Variants in COPS2 observed in about 807,000 individuals in gnomAD.
COPS2 encodes the protein COP9 signalosome complex subunit 2.
COPS2 carries 10 observed loss-of-function variants against 66.1 expected under a neutral mutation model. The observed-to-expected ratio is 0.15, with a 90% confidence interval of 0.09 to 0.26. The LOEUF is 0.26. Ranked by LOEUF, COPS2 falls within the 10% of genes least tolerant of loss-of-function variation. COPS2 has a pLI of 1.00. For missense variants in COPS2, 215 were observed against 513.3 expected (o/e 0.42, Z 5.62); for synonymous variants, 179 against 171.3 (o/e 1.04, Z -0.35).
rs1243386092 is a variant in COPS2, at chr15:49,128,106, T to G, written c.1188-12A>C. ...GGCCATGAATAGTGCTAGAAAGAAATAAATAAGATGTGTCTACAAAAGACT... is the reference window on the plus strand; with the variant it reads ...GGCCATGAATAGTGCTAGAAAGAAAGAAATAAGATGTGTCTACAAAAGACT... On this transcript the variant is annotated splice_polypyrimidine_tract_variant and intron_variant, in intron 12 of 12. Transcript: ENST00000388901. The G allele has an allele frequency of 7.4e-6, 12 of 1,611,454 alleles. No individual in the cohort carries two copies. The highest frequency in any genetic ancestry group is 2.2e-5 in the South Asian group (2 of 90,630).
intron 9 of COPS2, among the ~76,000 whole-genome samples, chr15:49,132,918 C>G (rs1449239096): frequency 6.6e-6 from 1 of 151,810 alleles, no homozygotes; most frequent in African/African-American, 2.4e-5. Context: ...TTCAATAAAT[C>G]TTGGGTTTCT....
At chr15:49,128,627 A>C in intron 12 of COPS2, 75 bp downstream of exon 12, 1 of 1,048,552 alleles carries the variant, frequency 9.5e-7, no homozygotes, top group Non-Finnish European at 1.4e-6. Context: ...CAAGAATCCA[A>C]TTGTTACCTT....
Position 49,150,980 on chromosome 15 carries a change from C to T in COPS2, c.54+4545G>A, listed in dbSNP as rs563893440. Among the ~76,000 whole-genome samples the T allele has an allele frequency of 7.3e-4, 111 of 152,210 alleles. 1 individual carries two copies. The Middle Eastern group carries it at 0.014, about 19-fold the overall frequency. ...TACTAGTAAACATTTATCCCCTAAT[C>T]CCAACTATGAGCTTGACTAGGGGAA... On this transcript the variant is annotated intron_variant, in intron 1 of 12. Coordinates refer to ENST00000388901, the MANE Select transcript of COPS2 (RefSeq NM_004236.4).
chr15:49,136,810 A>C (rs1950846618), intron 6 of COPS2, among the ~76,000 whole-genome samples: 2 of 151,912 alleles, frequency 1.3e-5, no homozygotes, highest in Admixed American at 1.3e-4. Flanking sequence ...AACATGGCAA[A>C]ACCCCACCTC....
intron 11 of COPS2, 60 bp from the exon 12 acceptor site, chr15:49,128,820 A>G: frequency 9.2e-7 from 1 of 1,084,672 alleles, no homozygotes. Flanking sequence ...AATTTTACAC[A>G]ATCATTCTAA....
Position 49,123,389 on chromosome 15 carries a change from T to C in COPS2, c.*4561A>G, listed in dbSNP as rs2084139792. 6.6e-6 allele frequency: 1 copy of C among 152,182 alleles called. No individual in the cohort carries two copies. The highest frequency in any genetic ancestry group is 6.5e-5 in the Admixed American group (1 of 15,284). The allele number at this position is 152,182 out of a possible 1,614,324, so 9.4% of individuals were successfully genotyped here. The stretch of plus-strand genomic sequence containing the variant: ...GGACAGTCTTCCACATGAAACCTAG[T>C]CATAACACGCAAGTTACTGGTACAC... On this transcript the variant is annotated 3_prime_UTR_variant, in exon 13 of 13. Coordinates refer to ENST00000388901, the MANE Select transcript of COPS2 (RefSeq NM_004236.4).
chr15:49,144,811 G>A (rs182753560), intron 2 of COPS2, among the ~76,000 whole-genome samples, 154 bp downstream of exon 2: 52 of 152,194 alleles, frequency 3.4e-4, no homozygotes, highest in African/African-American at 1.1e-3. Flanking sequence ...CAGGATAACC[G>A]TTTTGAAACA....
intron 1 of COPS2, among the ~76,000 whole-genome samples, chr15:49,146,953 A>G (rs1390446626): frequency 3.3e-5 from 5 of 151,978 alleles, no homozygotes; most frequent in African/African-American, 1.2e-4. Flanking sequence ...CAAGTGCCAA[A>G]TTCTCCCACT....
chr15:49,129,877 A>G (rs2084196139), intron 10 of COPS2, among the ~76,000 whole-genome samples: 1 of 152,192 alleles, frequency 6.6e-6, no homozygotes, highest in Non-Finnish European at 1.5e-5. Context: ...GATTTATACC[A>G]GCCAGCCAAG....
rs565916077 is a variant in COPS2, at chr15:49,124,911, G to T, written c.*3039C>A. 4 of 152,238 alleles carry T rather than the reference G, an allele frequency of 2.6e-5. No homozygotes were observed. The highest frequency in any genetic ancestry group is 5.9e-5 in the Non-Finnish European group (4 of 67,990). The allele number at this position is 152,238 out of a possible 1,614,324, so 9.4% of individuals were successfully genotyped here. A position where few individuals can be genotyped will look rare whatever the true frequency, so the allele number is the denominator to read the frequency against. ...CTAGGCAAATAATTTTTTGTCTTAT[G>T]GACTAACTGCTTCACCCATAGATTT... On this transcript the variant is annotated 3_prime_UTR_variant, in exon 13 of 13. Coordinates refer to ENST00000388901, the MANE Select transcript of COPS2 (RefSeq NM_004236.4).
intron 6 of COPS2, 109 bp from the exon 7 acceptor site, chr15:49,134,623 C>A: frequency 1.1e-6 from 1 of 905,380 alleles, no homozygotes; most frequent in South Asian, 1.9e-5. Flanking sequence ...TGTGAAAACA[C>A]AACACAAATT....
At position 49,127,850 on chromosome 15, in the gene COPS2, A is replaced by G; in HGVS notation, c.*100T>C. 1 of 1,224,078 alleles carries G rather than the reference A, an allele frequency of 8.2e-7. No individual in the cohort carries two copies. The highest frequency in any genetic ancestry group is 1.1e-6 in the Non-Finnish European group (1 of 879,846). The allele number at this position is 1,224,078 out of a possible 1,614,324, so 75.8% of individuals were successfully genotyped here. A position where few individuals can be genotyped will look rare whatever the true frequency, so the allele number is the denominator to read the frequency against. ...TTCTGCCATAACTCCAATAATTTTCAGGACACATCAACCGACAGTAGTTTT... is the reference window on the plus strand; with the variant it reads ...TTCTGCCATAACTCCAATAATTTTCGGGACACATCAACCGACAGTAGTTTT... On this transcript the variant is annotated 3_prime_UTR_variant, in exon 13 of 13. Transcript: ENST00000388901.
At position 49,128,174 on chromosome 15, in the gene COPS2, G is replaced by C. The variant is rs2084182853; in HGVS notation, c.1188-80C>G. 3 of 1,389,700 alleles carry C rather than the reference G, an allele frequency of 2.2e-6. No individual in the cohort carries two copies. The South Asian group carries it at 4.2e-5, about 19-fold the overall frequency. 86.1% of individuals were successfully genotyped at this position (1,389,700 alleles called of 1,614,324 possible). On this transcript the variant is annotated intron_variant, in intron 12 of 12. Transcript: ENST00000388901. ...CTGGATTAATGTTTCATAAAATACA[G>C]TATCAACAAATGCCAAAAAAAAAGC...
intron 9 of COPS2, 49 bp from the exon 10 acceptor site, chr15:49,130,865 T>C (rs1205738975): frequency 9.9e-7 from 1 of 1,014,046 alleles, no homozygotes; most frequent in Non-Finnish European, 1.5e-6. Flanking sequence ...AGAAGTTATG[T>C]ATTAAATCAG....
rs1319032951 is a variant in COPS2, at chr15:49,123,077, A to G, written c.*4873T>C. 1.3e-5 allele frequency: 2 copies of G among 152,156 alleles called. No homozygotes were observed. Among genetic ancestry groups the G allele is most frequent in the African/African-American group, 4.8e-5 (2 of 41,452 alleles). The allele number at this position is 152,156 out of a possible 1,614,324, so 9.4% of individuals were successfully genotyped here. A position where few individuals can be genotyped will look rare whatever the true frequency, so the allele number is the denominator to read the frequency against. Reference sequence around the variant, plus strand: ...GCTCCATTTCTTGAAATATATTTTAATTTTCTTCAGTGTTATTTAAAATAG... The same window carrying G: ...GCTCCATTTCTTGAAATATATTTTAGTTTTCTTCAGTGTTATTTAAAATAG... On this transcript the variant is annotated 3_prime_UTR_variant, in exon 13 of 13. Transcript: ENST00000388901.
At chr15:49,142,145 G>C (rs1338412531) in intron 3 of COPS2, among the ~76,000 whole-genome samples, 2 of 152,218 alleles carry the variant, frequency 1.3e-5, no homozygotes, top group Non-Finnish European at 2.9e-5. Context: ...AAAGCATGGG[G>C]CTCTGGGCAA....
Position 49,127,328 on chromosome 15 carries a change from C to T in COPS2, c.*622G>A, listed in dbSNP as rs1486864582. 3 of 152,524 alleles carry T rather than the reference C, an allele frequency of 2.0e-5. No individual in the cohort carries two copies. The East Asian group carries it at 5.8e-4, about 29-fold the overall frequency. 9.4% of individuals were successfully genotyped at this position (152,524 alleles called of 1,614,324 possible). A position where few individuals can be genotyped will look rare whatever the true frequency, so the allele number is the denominator to read the frequency against. On this transcript the variant is annotated 3_prime_UTR_variant, in exon 13 of 13. Coordinates refer to ENST00000388901, the MANE Select transcript of COPS2 (RefSeq NM_004236.4). Reference sequence around the variant, plus strand: ...AAAACAACTCCAAATGTAATAAAAACACATCAAGAACCAAACTACAATTTC... The same window carrying T: ...AAAACAACTCCAAATGTAATAAAAATACATCAAGAACCAAACTACAATTTC...
At chr15:49,137,100 C>G in intron 6 of COPS2, 50 bp downstream of exon 6, 1 of 1,145,100 alleles carries the variant, frequency 8.7e-7, no homozygotes, top group Non-Finnish European at 1.2e-6. Flanking sequence ...ATTGCTTATA[C>G]TTTTTTTTTA....
At chr15:49,128,544 CA>C (rs2084185419) in intron 12 of COPS2, among the ~76,000 whole-genome samples, 157 bp downstream of exon 12, 1 of 152,184 alleles carries the variant, frequency 6.6e-6, no homozygotes, top group African/African-American at 2.4e-5. Context: ...GCTCATTCAT[CA>C]AAAACCATCA....
Sources: gnomAD v4.1 joint callset for allele counts (sites outside exome capture counted in the v4.1 genomes callset) on GRCh38, gnomAD v4.1.1 for gene constraint, MANE v1.5 for transcripts, NCBI Gene and HGNC (gene_info 2026-07-23, HGNC 2026-07-21) for gene names.